Variants in MALT1 observed in about 807,000 individuals in gnomAD.
MALT1 encodes the protein MALT1 paracaspase.
A neutral mutation model predicts 85.5 loss-of-function variants in MALT1; 36 were observed. The observed-to-expected ratio is 0.42, with a 90% CI of 0.32 to 0.56. The LOEUF is 0.56. MALT1 is among the 20% of genes least tolerant of loss of function. MALT1 has a pLI of 0.10. For missense variants in MALT1, 716 were observed against 981.6 expected (o/e 0.73, Z 3.62); for synonymous variants, 359 against 361.3 (o/e 0.99, Z 0.07).
Position 58,671,688 on chromosome 18 carries a change from C to T in MALT1, c.45C>T (p.Ala15=), listed in dbSNP as rs1283261153. ...CGCTACAGGCCCTGCCGCCCTCGGC[C>T]GCCCCCACGGGGCCGCTGCTCGCCC... The part of the protein sequence containing the change: ...GDPLQALPPS[A]APTGPLLAPP... The change falls in exon 1 of 17, where the codon GCC becomes GCT. Residue 15 remains alanine, a synonymous_variant. Transcript: ENST00000649217. 1.6e-6 allele frequency: 2 copies of T among 1,251,258 alleles called. No homozygotes were observed. Among genetic ancestry groups the T allele is most frequent in the East Asian group, 6.5e-5 (2 of 30,982 alleles). The allele number at this position is 1,251,258 out of a possible 1,614,324, so 77.5% of individuals were successfully genotyped here.
At position 58,745,623 on chromosome 18, in the gene MALT1, C is replaced by A. The variant is rs1432415706; in HGVS notation, c.1912-43C>A. On this transcript the variant is annotated intron_variant, in intron 15 of 16. Coordinates refer to ENST00000649217, the MANE Select transcript of MALT1 (RefSeq NM_006785.4). Reference sequence around the variant, plus strand: ...ATGTACTAGATTATATTGTGGCTTTCATTGATTTCATTATTAACAGTCCCT... The same window carrying A: ...ATGTACTAGATTATATTGTGGCTTTAATTGATTTCATTATTAACAGTCCCT... 2.6e-6 allele frequency: 4 copies of A among 1,534,218 alleles called. No homozygotes were observed. The Admixed American group carries it at 5.1e-5, about 20-fold the overall frequency.
At position 58,734,398 on chromosome 18, in the gene MALT1, T is replaced by A. The variant is rs775414732; in HGVS notation, c.1475+17T>A. Reference sequence around the variant, plus strand: ...ATATGCCACGTAAGAACATTTGATGTTTACGTTGAAGTTTCCTTTATTGTT... The same window carrying A: ...ATATGCCACGTAAGAACATTTGATGATTACGTTGAAGTTTCCTTTATTGTT... On this transcript the variant is annotated intron_variant, in intron 12 of 16. Coordinates refer to ENST00000649217, the MANE Select transcript of MALT1 (RefSeq NM_006785.4). The A allele has an allele frequency of 1.1e-5, 17 of 1,599,646 alleles. No homozygotes were observed. The highest frequency in any genetic ancestry group is 1.5e-5 in the Non-Finnish European group (17 of 1,166,982).
chr18:58,711,187 C>T (rs561683146), intron 7 of MALT1, among the ~76,000 whole-genome samples: 2 of 152,294 alleles, frequency 1.3e-5, no homozygotes, highest in East Asian at 3.9e-4. Flanking sequence ...TTTAATATTA[C>T]ATATAAGAAC....
At chr18:58,709,888 G>T in intron 5 of MALT1, 88 bp from the exon 6 acceptor site, 1 of 845,622 alleles carries the variant, frequency 1.2e-6, no homozygotes, top group Non-Finnish European at 2.0e-6. Flanking sequence ...GTTATGTTTT[G>T]GAGCGTATTT....
rs529962183 is a variant in MALT1, at chr18:58,717,045, T to G, written c.1018+1078T>G. 9.2e-5 allele frequency among the ~76,000 whole-genome samples: 14 copies of G among 152,262 alleles called. No individual in the cohort carries two copies. The South Asian group carries it at 2.9e-3, about 32-fold the overall frequency. On this transcript the variant is annotated intron_variant, in intron 9 of 16. Coordinates refer to ENST00000649217, the MANE Select transcript of MALT1 (RefSeq NM_006785.4). Reference sequence around the variant, plus strand: ...TTTATGTTTTTTGTTTCTAAGTAATTAGGCGTAGTAATATGCTTAAAAGAT... The same window carrying G: ...TTTATGTTTTTTGTTTCTAAGTAATGAGGCGTAGTAATATGCTTAAAAGAT...
chr18:58,710,001 A>G lies in MALT1; in HGVS notation c.854A>G (p.Gln285Arg). ...YMVPYVDLEH[Q>R]GTYWCHVYND... is the part of the protein sequence containing the mutation. ...GTGCCTTATGTGGATTTGGAACACC[A>G]AGGAACCTACTGGTGTCATGTATAT... The change falls in exon 6 of 17, where the codon CAA becomes CGA. Residue 285 changes from glutamine to arginine, a missense_variant. This residue lies in a region of MALT1 where 290 missense variants were observed against 380.5 expected (regional missense o/e 0.76). Transcript: ENST00000649217. 6.2e-7 allele frequency: 1 copy of G among 1,611,668 alleles called. No homozygotes were observed. Among genetic ancestry groups the G allele is most frequent in the Non-Finnish European group, 8.5e-7 (1 of 1,178,462 alleles).
intron 9 of MALT1, among the ~76,000 whole-genome samples, chr18:58,716,756 T>G (rs545607270): frequency 8.1e-4 from 124 of 152,326 alleles, no homozygotes; most frequent in African/African-American, 2.9e-3. Flanking sequence ...GGGCATATAT[T>G]CAAAGTGTTT....
chr18:58,747,806 T>C lies in MALT1; in HGVS notation c.2439T>C (p.Phe813=). 6.2e-7 allele frequency: 1 copy of C among 1,613,936 alleles called. No individual in the cohort carries two copies. Among genetic ancestry groups the C allele is most frequent in the Non-Finnish European group, 8.5e-7 (1 of 1,179,810 alleles). ...TAGAGACAACTGATGAAATACCATT[T>C]AGTTTCTCTGACAGGCTCAGAATTT... ...VPVETTDEIP[F]SFSDRLRISE... Residue 813 remains phenylalanine (F), a synonymous_variant, in exon 17 of 17, where the codon TTT becomes TTC. Coordinates refer to ENST00000649217, the MANE Select transcript of MALT1 (RefSeq NM_006785.4).
intron 10 of MALT1, among the ~76,000 whole-genome samples, chr18:58,730,234 A>G (rs774637501): frequency 3.9e-5 from 6 of 152,332 alleles, no homozygotes; most frequent in Non-Finnish European, 8.8e-5. Flanking sequence ...CAAAGTGGGC[A>G]TCAGTCACCA....
chr18:58,745,965 TTA>T (rs2055360736), intron 16 of MALT1, among the ~76,000 whole-genome samples, 174 bp downstream of exon 16: 1 of 151,730 alleles, frequency 6.6e-6, no homozygotes, highest in Non-Finnish European at 1.5e-5. Flanking sequence ...CCAGAGGACT[TTA>T]TGTGTGCTTA....
At chr18:58,718,533 G>T (rs57246832) in intron 9 of MALT1, among the ~76,000 whole-genome samples, 1 of 152,060 alleles carries the variant, frequency 6.6e-6, no homozygotes, top group Non-Finnish European at 1.5e-5. Context: ...TCTAACTAAT[G>T]CCTGATGATC....
At chr18:58,733,332 A>C in intron 10 of MALT1, 65 bp from the exon 11 acceptor site, 2 of 1,035,722 alleles carry the variant, frequency 1.9e-6, no homozygotes, top group South Asian at 1.6e-5. Flanking sequence ...AAAGTTATGC[A>C]GTCTGTATGT....
In MALT1 at chr18:58,747,632, C is replaced by G. The variant is rs1389783303; in HGVS notation, c.2265C>G (p.Asp755Glu). Residue 755 changes from aspartate (D) to glutamate (E), a missense_variant, in exon 17 of 17, where the codon GAC becomes GAG. Coordinates refer to ENST00000649217, the MANE Select transcript of MALT1 (RefSeq NM_006785.4). Reference sequence around the variant, plus strand: ...CAGGGCATTATCACTCATTGCAAGACCCATTCCATGGTGTTTACCATTCAC... The same window carrying G: ...CAGGGCATTATCACTCATTGCAAGAGCCATTCCATGGTGTTTACCATTCAC... ...GGAGHYHSLQ[D>E]PFHGVYHSHP... The G allele has an allele frequency of 3.1e-6, 5 of 1,614,060 alleles. No homozygotes were observed. The highest frequency in any genetic ancestry group is 1.7e-5 in the Admixed American group (1 of 60,004).
At chr18:58,697,925 T>C (rs2054613790) in intron 3 of MALT1, among the ~76,000 whole-genome samples, 1 of 152,204 alleles carries the variant, frequency 6.6e-6, no homozygotes, top group African/African-American at 2.4e-5. Context: ...GAGCAAGTAC[T>C]GTTAATTCCT....
rs192231746 is a variant in MALT1 at position 58,677,284 on chromosome 18, G to C, written c.210-3886G>C. ...CTTCAATTTGATCTTTGTTCTTTTG[G>C]GGGGGAAGGAAAGCCAAGTGTTTTT... On this transcript the variant is annotated intron_variant, in intron 1 of 16. Transcript: ENST00000649217. Among the ~76,000 whole-genome samples the C allele has an allele frequency of 5.0e-3, 758 of 152,056 alleles. 6 individuals carry two copies. Among genetic ancestry groups the C allele is most frequent in the Non-Finnish European group, 8.3e-3 (563 of 67,984 alleles).
intron 7 of MALT1, among the ~76,000 whole-genome samples, chr18:58,712,167 A>G (rs1419262965): frequency 6.6e-6 from 1 of 152,240 alleles, no homozygotes; most frequent in African/African-American, 2.4e-5. Context: ...TAGAACATAT[A>G]GAGATGAAAA....
intron 16 of MALT1, 98 bp downstream of exon 16, chr18:58,745,889 G>C (rs4940748): frequency 0.12 from 138,110 of 1,125,560 alleles, 10,891 homozygotes; most frequent in African/African-American, 0.31. Flanking sequence ...TATTATTAAA[G>C]TAGAGATAAC....
At chr18:58,692,441 TCTCCCTCCCTCC>T (rs34461599) in intron 2 of MALT1, among the ~76,000 whole-genome samples, 9 of 119,612 alleles carry the variant, frequency 7.5e-5, no homozygotes, top group East Asian at 2.4e-4. Flanking sequence ...TCTCTCACTC[TCTCCCTCCCTCC>T]CTCCCTCCCT....
intron 15 of MALT1, among the ~76,000 whole-genome samples, chr18:58,745,418 AT>A (rs982482110): frequency 3.3e-5 from 5 of 152,220 alleles, no homozygotes; most frequent in Non-Finnish European, 7.3e-5. Flanking sequence ...TCTAGGAATC[AT>A]TTGAAAGGAA....
Sources: allele counts gnomAD v4.1 joint callset (sites outside exome capture counted in the v4.1 genomes callset), GRCh38; gene constraint gnomAD v4.1.1; regional missense constraint gnomAD v4.1.1; transcripts MANE v1.5; gene names NCBI Gene and HGNC (gene_info 2026-07-23, HGNC 2026-07-21).